ASH1L: variants seen among roughly 807,000 people sequenced by gnomAD.
The protein encoded by ASH1L is ASH1 like histone lysine methyltransferase.
ASH1L carries 23 observed loss-of-function variants against 269.0 expected under a neutral mutation model. The ratio of observed to expected loss-of-function variants is 0.09; its 90% CI spans 0.06 to 0.12. The LOEUF is 0.12. Among genes scored for constraint, ASH1L ranks in the 10% least tolerant of loss-of-function variants. ASH1L has a pLI of 1.00. For missense variants in ASH1L, 2,912 were observed against 3,567.8 expected, an observed-to-expected ratio of 0.82 and a Z score of 4.68; for synonymous variants, 1,187 against 1,253.5, an observed-to-expected ratio of 0.95 and a Z score of 1.12.
At chr1:155,453,961 G>A (rs746648779) in intron 4 of ASH1L, among the ~76,000 whole-genome samples, 3 of 151,860 alleles carry the variant, frequency 2.0e-5, no homozygotes, top group Non-Finnish European at 4.4e-5. Flanking sequence ...AGAAATTAGC[G>A]GGGCGTGGTG....
At chr1:155,432,881 G>A (rs530459703) in intron 5 of ASH1L, among the ~76,000 whole-genome samples, 9 of 152,230 alleles carry the variant, frequency 5.9e-5, no homozygotes, top group Middle Eastern at 3.4e-3. Flanking sequence ...GACCACAGGC[G>A]TGCAACACCA....
chr1:155,474,348 T>C (rs189153659), intron 3 of ASH1L, among the ~76,000 whole-genome samples: 2 of 152,242 alleles, frequency 1.3e-5, no homozygotes, highest in Non-Finnish European at 2.9e-5. Context: ...GAGAACTAGA[T>C]ACCCAACGAC....
intron 6 of ASH1L, among the ~76,000 whole-genome samples, chr1:155,403,691 C>T (rs1659040016): frequency 1.3e-5 from 2 of 152,014 alleles, no homozygotes; most frequent in African/African-American, 2.4e-5. Context: ...TATTAGGGAA[C>T]TAGATGCAAA....
intron 1 of ASH1L, among the ~76,000 whole-genome samples, chr1:155,556,399 TAC>T (rs1402004103): frequency 2.6e-5 from 3 of 116,512 alleles, no homozygotes; most frequent in African/African-American, 5.8e-5. Flanking sequence ...TACATATATA[TAC>T]GTGTGTGTGT....
At chr1:155,530,695 C>T (rs193138434) in intron 1 of ASH1L, among the ~76,000 whole-genome samples, 72 of 151,268 alleles carry the variant, frequency 4.8e-4, no homozygotes, top group African/African-American at 1.7e-3. Flanking sequence ...AAGACTGTGC[C>T]ACTGCACTCC....
chr1:155,417,214 C>A (rs531995999), intron 5 of ASH1L, among the ~76,000 whole-genome samples: 1 of 151,830 alleles, frequency 6.6e-6, no homozygotes, highest in Admixed American at 6.6e-5. Context: ...GGATTACAGG[C>A]GTGAGCCATC....
rs59880344 is a variant in ASH1L at position 155,558,195 on chromosome 1, G to A, written c.-100+3958C>T. ...AGTTATTAAGAAGTGATGTGCAGGT[G>A]CGGTGGCTCACACCTGTAATCCCAA... On this transcript the variant is annotated intron_variant, in intron 1 of 27. Transcript: ENST00000392403. Among the ~76,000 whole-genome samples the A allele has an allele frequency of 6.1e-3, 934 of 152,224 alleles. 10 individuals carry two copies. Among genetic ancestry groups the A allele is most frequent in the African/African-American group, 0.022 (910 of 41,532 alleles).
Position 155,480,193 on chromosome 1 carries a change from G to A in ASH1L, c.2677C>T (p.Pro893Ser). Residue 893 changes from proline (P) to serine (S), a missense_variant, in exon 3 of 28, where the codon CCT becomes TCT. Pro to Ser is a moderately conservative substitution (Grantham distance 74). Transcript: ENST00000392403. ...VSPFPKKRGRPKRQMRSPVKM... is the reference protein window; with the variant it reads ...VSPFPKKRGRSKRQMRSPVKM... ...ACTGGTGACCTCATTTGCCTCTTAG[G>A]CCTGCCTCTCTTTTTTGGAAAAGGA... 1 of 1,614,140 alleles carries A rather than the reference G, an allele frequency of 6.2e-7. No homozygotes were observed. Among genetic ancestry groups the A allele is most frequent in the Non-Finnish European group, 8.5e-7 (1 of 1,180,002 alleles).
At chr1:155,357,294 G>A (rs1654504878) in intron 15 of ASH1L, 22 bp downstream of exon 15, 2 of 1,573,640 alleles carry the variant, frequency 1.3e-6, no homozygotes, top group African/African-American at 2.7e-5. Context: ...AAAGAACATG[G>A]ATAAGGATAT....
chr1:155,519,792 G>A (rs896170407), intron 2 of ASH1L, among the ~76,000 whole-genome samples: 1 of 151,914 alleles, frequency 6.6e-6, no homozygotes, highest in Non-Finnish European at 1.5e-5. Context: ...CCAAGGGCTG[G>A]GATTACAGGC....
At chr1:155,491,192 CTTT>C (rs754733007) in intron 2 of ASH1L, among the ~76,000 whole-genome samples, 8 of 152,038 alleles carry the variant, frequency 5.3e-5, no homozygotes, top group Non-Finnish European at 8.8e-5. Context: ...TATAATACTT[CTTT>C]CTCACATGTT....
At chr1:155,386,573 T>TTC (rs1571068967) in intron 7 of ASH1L, among the ~76,000 whole-genome samples, 1 of 147,776 alleles carries the variant, frequency 6.8e-6, no homozygotes, top group African/African-American at 2.5e-5. Flanking sequence ...TTTTTTTTTT[T>TTC]AGTAGAGACG....
intron 21 of ASH1L, 118 bp downstream of exon 21, chr1:155,346,265 C>G (rs890043597): frequency 1.2e-5 from 18 of 1,561,900 alleles, no homozygotes; most frequent in Middle Eastern, 3.4e-4. Flanking sequence ...AAACCAAGGC[C>G]CAGAGAGGCT....
chr1:155,353,725 T>C (rs6672663), intron 16 of ASH1L, among the ~76,000 whole-genome samples: 3,162 of 152,008 alleles, frequency 0.021, 107 homozygotes, highest in African/African-American at 0.073. Context: ...CGTCCCCCAC[T>C]GAATCTGAAT....
intron 4 of ASH1L, among the ~76,000 whole-genome samples, chr1:155,446,098 G>T (rs1662999329): frequency 6.8e-6 from 1 of 146,726 alleles, no homozygotes; most frequent in South Asian, 2.1e-4. Context: ...TGGCCAGGCT[G>T]GTCTCGAACT....
chr1:155,476,823 G>A (rs1665588789), intron 3 of ASH1L, among the ~76,000 whole-genome samples: 1 of 152,052 alleles, frequency 6.6e-6, no homozygotes, highest in African/African-American at 2.4e-5. Context: ...AAAGCACTGG[G>A]ATTACAGGTG....
chr1:155,511,404 T>C (rs1289235066), intron 2 of ASH1L, among the ~76,000 whole-genome samples: 1 of 152,266 alleles, frequency 6.6e-6, no homozygotes, highest in Admixed American at 6.5e-5. Flanking sequence ...TCTGAGGTTT[T>C]ATTCCCTCTC....
chr1:155,467,433 C>T (rs1478696041), intron 3 of ASH1L, among the ~76,000 whole-genome samples: 1 of 152,164 alleles, frequency 6.6e-6, no homozygotes, highest in Non-Finnish European at 1.5e-5. Flanking sequence ...TTAGTCTGTA[C>T]AGTACAGAAC....
chr1:155,515,480 G>T (rs528384549), intron 2 of ASH1L, among the ~76,000 whole-genome samples: 2 of 152,032 alleles, frequency 1.3e-5, no homozygotes, highest in African/African-American at 2.4e-5. Flanking sequence ...TATTGTAATG[G>T]TTCCTATTTT....
Sources: allele counts gnomAD v4.1 joint callset (sites outside exome capture counted in the v4.1 genomes callset), GRCh38; gene constraint gnomAD v4.1.1; transcripts MANE v1.5; gene names NCBI Gene and HGNC (gene_info 2026-07-23, HGNC 2026-07-21).